FLRT2: variants seen among roughly 807,000 people sequenced by gnomAD.
FLRT2 encodes fibronectin leucine rich transmembrane protein 2.
FLRT2 carries 15 observed loss-of-function variants against 40.0 expected under a neutral mutation model. The ratio of observed to expected loss-of-function variants is 0.38; its 90% CI spans 0.25 to 0.58. FLRT2 has a LOEUF of 0.58. Ranked by LOEUF, FLRT2 falls within the 20% of genes least tolerant of loss-of-function variation. FLRT2 has a pLI of 0.71. For missense variants in FLRT2, 726 were observed against 840.0 expected (o/e 0.86, Z 1.68); for synonymous variants, 380 against 336.8 (o/e 1.13, Z -1.41).
Position 85,632,473 on chromosome 14 carries a change from A to AC in FLRT2, c.*8976_*8977insC. The AC allele has an allele frequency of 6.6e-6, 1 of 151,822 alleles. No individual in the cohort carries two copies. The highest frequency in any genetic ancestry group is 2.0e-4 in the East Asian group (1 of 5,108). The allele number at this position is 151,822 out of a possible 1,614,324, so 9.4% of individuals were successfully genotyped here. A position where few individuals can be genotyped will look rare whatever the true frequency, so the allele number is the denominator to read the frequency against. On this transcript the variant is annotated 3_prime_UTR_variant, in exon 2 of 2. Transcript: ENST00000330753. ...GTGACAGAGTGAGACTCAAAAAAAA[A>AC]AAAAAAAAAATCACCTTGCAACAAA...
intron 1 of FLRT2, among the ~76,000 whole-genome samples, chr14:85,602,914 TG>T (rs1892441610): frequency 6.6e-6 from 1 of 152,208 alleles, no homozygotes; most frequent in South Asian, 2.1e-4. Context: ...TGCTTTGTTT[TG>T]TTTTGTTTTG....
Position 85,622,677 on chromosome 14 carries a change from T to C in FLRT2, c.1163T>C (p.Ile388Thr), listed in dbSNP as rs2139372070. ...ACCACTCAGCCTCCCACCCTCTCTA[T>C]TCCAAACCCTAGCAGAAGCTACACG... ...SPTTQPPTLS[I>T]PNPSRSYTPP... Residue 388 changes from isoleucine to threonine, a missense_variant, in exon 2 of 2, where the codon ATT becomes ACT. Coordinates refer to ENST00000330753, the MANE Select transcript of FLRT2 (RefSeq NM_013231.6). The C allele has an allele frequency of 6.2e-7, 1 of 1,613,918 alleles. No homozygotes were observed. Among genetic ancestry groups the C allele is most frequent in the Non-Finnish European group, 8.5e-7 (1 of 1,179,986 alleles).
At chr14:85,616,085 T>A (rs1203145239) in intron 1 of FLRT2, among the ~76,000 whole-genome samples, 2 of 152,060 alleles carry the variant, frequency 1.3e-5, no homozygotes, top group Non-Finnish European at 2.9e-5. Context: ...TAGCTGCTGG[T>A]TTTTACTGTC....
intron 1 of FLRT2, among the ~76,000 whole-genome samples, chr14:85,577,934 C>G (rs1405356395): frequency 6.6e-6 from 1 of 151,368 alleles, no homozygotes; most frequent in Non-Finnish European, 1.5e-5. Flanking sequence ...GCGAGAAGGT[C>G]GTGAGCAGAC....
chr14:85,584,366 A>G (rs1177142299), intron 1 of FLRT2, among the ~76,000 whole-genome samples: 2 of 152,216 alleles, frequency 1.3e-5, no homozygotes, highest in Admixed American at 6.5e-5. Context: ...GCTGAAAGGT[A>G]TAAAGAGAAA....
intron 1 of FLRT2, among the ~76,000 whole-genome samples, chr14:85,557,322 G>A (rs532988701): frequency 6.6e-6 from 1 of 151,732 alleles, no homozygotes; most frequent in South Asian, 2.1e-4. Flanking sequence ...TTAAGAGCAA[G>A]GTTCATATCA....
intron 1 of FLRT2, among the ~76,000 whole-genome samples, chr14:85,531,491 G>A (rs1205069100): frequency 7.2e-5 from 11 of 152,120 alleles, no homozygotes; most frequent in Admixed American, 5.2e-4. Flanking sequence ...GCAAGCTGAG[G>A]TCGGGGTACT....
rs1893688802 is a variant in FLRT2 at position 85,626,510 on chromosome 14, A to C, written c.*3013A>C. 1 of 167,078 alleles carries C rather than the reference A, an allele frequency of 6.0e-6. No individual in the cohort carries two copies. 10.3% of individuals were successfully genotyped at this position (167,078 alleles called of 1,614,324 possible). On this transcript the variant is annotated 3_prime_UTR_variant, in exon 2 of 2. Transcript: ENST00000330753. ...TGTACAGAAGACATTGAAAAGGAAG[A>C]GGCATAGTCATGATCAAAAGGATAT... is the stretch of plus-strand genomic sequence containing the variant.
At chr14:85,554,263 G>C (rs561325903) in intron 1 of FLRT2, among the ~76,000 whole-genome samples, 1 of 152,116 alleles carries the variant, frequency 6.6e-6, no homozygotes, top group Non-Finnish European at 1.5e-5. Context: ...TCTTCCTAAG[G>C]TATTTAACAA....
Position 85,631,660 on chromosome 14 carries a change from T to TA in FLRT2, c.*8167dup, listed in dbSNP as rs769776620. ...AACAAACAAACATATATATTTTCCT[T>TA]AAAATCTCTTGATTACTCATCAACA... On this transcript the variant is annotated 3_prime_UTR_variant, in exon 2 of 2. Coordinates refer to ENST00000330753, the MANE Select transcript of FLRT2 (RefSeq NM_013231.6). 4 of 152,202 alleles carry TA rather than the reference T, an allele frequency of 2.6e-5. No homozygotes were observed. Among genetic ancestry groups the TA allele is most frequent in the African/African-American group, 7.2e-5 (3 of 41,462 alleles). 9.4% of individuals were successfully genotyped at this position (152,202 alleles called of 1,614,324 possible). A position where few individuals can be genotyped will look rare whatever the true frequency, so the allele number is the denominator to read the frequency against.
At chr14:85,557,047 C>T (rs1324776579) in intron 1 of FLRT2, among the ~76,000 whole-genome samples, 1 of 152,128 alleles carries the variant, frequency 6.6e-6, no homozygotes, top group East Asian at 1.9e-4. Flanking sequence ...ACCACAAGAA[C>T]AGTATGGGGG....
intron 1 of FLRT2, among the ~76,000 whole-genome samples, chr14:85,611,686 TAA>T (rs1892867436): frequency 6.6e-6 from 1 of 152,186 alleles, no homozygotes; most frequent in Admixed American, 6.5e-5. Context: ...GAGGAATGAA[TAA>T]CCCACTGTCA....
At position 85,622,903 on chromosome 14, in the gene FLRT2, G is replaced by A. The variant is rs373146061; in HGVS notation, c.1389G>A (p.Gly463=). ...TGAAAATGGGCCACAGTTTAGTAGGGGGCATCGTTCAGGAGCGCATAGTCA... is the reference window on the plus strand; with the variant it reads ...TGAAAATGGGCCACAGTTTAGTAGGAGGCATCGTTCAGGAGCGCATAGTCA... The part of the protein sequence containing the change: ...TWVKMGHSLV[G]GIVQERIVSG... The change falls in exon 2 of 2, where the codon GGG becomes GGA. Residue 463 remains glycine, a synonymous_variant. Coordinates refer to ENST00000330753, the MANE Select transcript of FLRT2 (RefSeq NM_013231.6). 2.5e-6 allele frequency: 4 copies of A among 1,614,170 alleles called. No individual in the cohort carries two copies. The highest frequency in any genetic ancestry group is 3.4e-6 in the Non-Finnish European group (4 of 1,180,028).
rs989344449 is a variant in FLRT2 at position 85,624,997 on chromosome 14, G to A, written c.*1500G>A. On this transcript the variant is annotated 3_prime_UTR_variant, in exon 2 of 2. Coordinates refer to ENST00000330753, the MANE Select transcript of FLRT2 (RefSeq NM_013231.6). ...ATCTTATGTTAGCAGGACAACCCAT[G>A]AAAAACAAGTCAGAGAGTGAAGGCT... is the stretch of plus-strand genomic sequence containing the variant. The A allele has an allele frequency of 1.2e-5, 2 of 167,014 alleles. No individual in the cohort carries two copies. The highest frequency in any genetic ancestry group is 2.9e-5 in the Non-Finnish European group (2 of 68,108). The allele number at this position is 167,014 out of a possible 1,614,324, so 10.3% of individuals were successfully genotyped here.
At position 85,547,361 on chromosome 14, in the gene FLRT2, C is replaced by T. The variant is rs1175295926; in HGVS notation, c.-377+16827C>T. Among the ~76,000 whole-genome samples the T allele has an allele frequency of 6.8e-5, 10 of 148,138 alleles. No homozygotes were observed. In the East Asian group the frequency reaches 1.4e-3, roughly 21 times the overall value. On this transcript the variant is annotated intron_variant, in intron 1 of 1. Transcript: ENST00000330753. ...TTTTTGAGATGGAGTTTCGCTCTTT[C>T]GCCCAGGCTGGAGTGCAGTAGCGTG...
intron 1 of FLRT2, among the ~76,000 whole-genome samples, chr14:85,578,580 G>A (rs971893080): frequency 1.6e-4 from 24 of 152,086 alleles, no homozygotes; most frequent in Non-Finnish European, 2.8e-4. Flanking sequence ...CCTGACCTCA[G>A]GACAAAGCTT....
chr14:85,654,106 A>G lies in FLRT2; in HGVS notation c.*30609A>G, dbSNP rs1007532364. 5.9e-5 allele frequency: 9 copies of G among 152,172 alleles called. No homozygotes were observed. Among genetic ancestry groups the G allele is most frequent in the Non-Finnish European group, 1.0e-4 (7 of 68,036 alleles). The allele number at this position is 152,172 out of a possible 1,614,324, so 9.4% of individuals were successfully genotyped here. The stretch of plus-strand genomic sequence containing the variant: ...CATATTAAAATACAAATTCGTAAAG[A>G]TAATACCTTGATGTTTATGTCTATG... On this transcript the variant is annotated 3_prime_UTR_variant, in exon 2 of 2. Transcript: ENST00000330753.
At chr14:85,590,377 T>A (rs1261229154) in intron 1 of FLRT2, among the ~76,000 whole-genome samples, 1 of 152,150 alleles carries the variant, frequency 6.6e-6, no homozygotes, top group African/African-American at 2.4e-5. Context: ...TGTTTTTTCA[T>A]CTGAGCATAA....
At chr14:85,584,680 G>A (rs954090568) in intron 1 of FLRT2, among the ~76,000 whole-genome samples, 1 of 152,138 alleles carries the variant, frequency 6.6e-6, no homozygotes, top group Non-Finnish European at 1.5e-5. Flanking sequence ...GTTGCTGGCC[G>A]CCCCTGCAGA....
Sources: allele counts gnomAD v4.1 joint callset (sites outside exome capture counted in the v4.1 genomes callset), GRCh38; gene constraint gnomAD v4.1.1; transcripts MANE v1.5; gene names NCBI Gene and HGNC (gene_info 2026-07-23, HGNC 2026-07-21).